Variants in ELFN1 observed in about 807,000 individuals in gnomAD.
The protein encoded by ELFN1 is protein ELFN1.
ELFN1 carries 6 observed loss-of-function variants against 7.6 expected under a neutral mutation model. That is an observed-to-expected ratio of 0.79 (90% CI 0.43 to 1.56). The LOEUF is 1.56. Ranked by LOEUF, ELFN1 falls within the 40% of genes most tolerant of loss-of-function variation. ELFN1 has a pLI of 0.01. For missense variants in ELFN1, 1,169 were observed against 1,232.2 expected, an observed-to-expected ratio of 0.95 and a Z score of 0.77; for synonymous variants, 657 against 588.1, an observed-to-expected ratio of 1.12 and a Z score of -1.70.
rs184265874 is a variant in ELFN1, at chr7:1,722,767, A to C, written c.-294+13515A>C. On this transcript the variant is annotated intron_variant, in intron 3 of 3. Coordinates refer to ENST00000424383, the MANE Select transcript of ELFN1 (RefSeq NM_001128636.4). ...TAAGAAATCCCTTATAAATATTTTA[A>C]AGTTATAAAATATTTAATACAATCA... 1.4e-3 allele frequency among the ~76,000 whole-genome samples: 213 copies of C among 152,340 alleles called. 1 individual carries two copies. Among genetic ancestry groups the C allele is most frequent in the Non-Finnish European group, 2.5e-3 (172 of 68,034 alleles).
At chr7:1,726,297 G>A (rs1217369699) in intron 3 of ELFN1, among the ~76,000 whole-genome samples, 4 of 152,202 alleles carry the variant, frequency 2.6e-5, no homozygotes, top group African/African-American at 7.2e-5. Flanking sequence ...GCCGAGAGCC[G>A]CAGCCCTGCC....
intron 2 of ELFN1, among the ~76,000 whole-genome samples, chr7:1,691,539 G>T (rs1779164607): frequency 6.6e-6 from 1 of 152,202 alleles, no homozygotes; most frequent in South Asian, 2.1e-4. Context: ...TGGGCAGGGG[G>T]TTAGAATCGA....
rs113308645 is a variant in ELFN1 at position 1,671,170 on chromosome 7, G to GCCC, written c.-549+825_-549+827dup. Among the ~76,000 whole-genome samples, 354 of 138,120 alleles carry GCCC rather than the reference G, an allele frequency of 2.6e-3. 21 individuals carry two copies. In the East Asian group the frequency reaches 0.07, roughly 27 times the overall value. 90.6% of individuals were successfully genotyped at this position (138,120 alleles called of 152,430 possible). ...GGCACTGCCTGCCGTACCGCACACC[G>GCCC]CCCCCCCCCCCATAAAAACGACACC... On this transcript the variant is annotated intron_variant, in intron 1 of 3. Coordinates refer to ENST00000424383, the MANE Select transcript of ELFN1 (RefSeq NM_001128636.4).
At chr7:1,720,558 C>G (rs1280658167) in intron 3 of ELFN1, among the ~76,000 whole-genome samples, 1 of 152,212 alleles carries the variant, frequency 6.6e-6, no homozygotes, top group Non-Finnish European at 1.5e-5. Flanking sequence ...CCCATCTAAC[C>G]AGGCAGGTGG....
Position 1,740,283 on chromosome 7 carries a change from C to T in ELFN1, c.-293-4021C>T, listed in dbSNP as rs1277079077. Among the ~76,000 whole-genome samples, 1 of 152,156 alleles carries T rather than the reference C, an allele frequency of 6.6e-6. No individual in the cohort carries two copies. The highest frequency in any genetic ancestry group is 2.4e-5 in the African/African-American group (1 of 41,424). ...CTCCTGAGGGATGCCTATTGCCCTCCCTGGGGCCTTGTGGTCCACGCCCAT... is the reference window on the plus strand; with the variant it reads ...CTCCTGAGGGATGCCTATTGCCCTCTCTGGGGCCTTGTGGTCCACGCCCAT... On this transcript the variant is annotated intron_variant, in intron 3 of 3. Transcript: ENST00000424383. The surrounding 1 kb of genome is among the most constrained non-coding windows in gnomAD (Gnocchi z 5.0).
chr7:1,714,023 C>T (rs757303490), intron 3 of ELFN1, among the ~76,000 whole-genome samples: 7 of 152,312 alleles, frequency 4.6e-5, no homozygotes, highest in African/African-American at 1.2e-4. Context: ...CAAAAGGTCA[C>T]GCCGGCTCCC....
chr7:1,687,743 C>T (rs1779084879), intron 1 of ELFN1, among the ~76,000 whole-genome samples: 1 of 152,082 alleles, frequency 6.6e-6, no homozygotes, highest in African/African-American at 2.4e-5. Flanking sequence ...AAATCTAAAA[C>T]AATCTTTTAA....
rs1780407003 is a variant in ELFN1, at chr7:1,735,038, C to T, written c.-293-9266C>T. Among the ~76,000 whole-genome samples the T allele has an allele frequency of 6.6e-6, 1 of 152,146 alleles. No individual in the cohort carries two copies. The highest frequency in any genetic ancestry group is 2.4e-5 in the African/African-American group (1 of 41,432). On this transcript the variant is annotated intron_variant, in intron 3 of 3. Transcript: ENST00000424383. The surrounding 1 kb of genome is among the most constrained non-coding windows in gnomAD (Gnocchi z 5.9). ...AGTAGCAGTGGAGTGCTGTTGCCGC[C>T]TTCCTGGGCCTTGCCGTGGGGGAGT...
intron 3 of ELFN1, 50 bp from the exon 4 acceptor site, chr7:1,744,251 ACCG>A (rs1780711015): frequency 1.7e-5 from 2 of 119,074 alleles, no homozygotes; most frequent in African/African-American, 5.0e-5. Flanking sequence ...CCGTCCCCTG[ACCG>A]CTGTCTTCTC....
rs1320812211 is a variant in ELFN1 at position 1,747,191 on chromosome 7, G to T, written c.*108G>T. 2 of 1,275,332 alleles carry T rather than the reference G, an allele frequency of 1.6e-6. No individual in the cohort carries two copies. The highest frequency in any genetic ancestry group is 2.1e-6 in the Non-Finnish European group (2 of 961,704). The allele number at this position is 1,275,332 out of a possible 1,614,324, so 79.0% of individuals were successfully genotyped here. ...ACGCCACCACAGCAACTGTGACAGC[G>T]GGGGGCCCTGCAGAGGCGAGGGGGG... On this transcript the variant is annotated 3_prime_UTR_variant, in exon 4 of 4. Transcript: ENST00000424383.
intron 3 of ELFN1, among the ~76,000 whole-genome samples, chr7:1,721,739 C>T (rs1022329975): frequency 4.6e-5 from 7 of 152,182 alleles, no homozygotes; most frequent in South Asian, 2.1e-4. Context: ...CCAAAACCAT[C>T]GCTCACGATC....
At chr7:1,677,941 G>T (rs1010082812) in intron 1 of ELFN1, among the ~76,000 whole-genome samples, 16 of 152,072 alleles carry the variant, frequency 1.1e-4, no homozygotes, top group Middle Eastern at 3.2e-3. Context: ...TGAGGTGTTT[G>T]CTGTCTGACA....
Position 1,745,759 on chromosome 7 carries a change from T to A in ELFN1, c.1163T>A (p.Leu388Gln). ...TYCVVSTSAGLRHNHTCLTIC... is the reference protein window; with the variant it reads ...TYCVVSTSAGQRHNHTCLTIC... ...TGCGTGGTGTCCACCAGCGCCGGGC[T>A]GCGCCACAACCACACCTGCCTCACC... is the stretch of plus-strand genomic sequence containing the variant. Residue 388 changes from leucine (L) to glutamine (Q), a missense_variant, in exon 4 of 4, where the codon CTG (leucine) becomes CAG (glutamine). Physicochemically the swap from Leu to Gln is moderately radical, Grantham distance 113. Coordinates refer to ENST00000424383, the MANE Select transcript of ELFN1 (RefSeq NM_001128636.4). 1 of 1,552,222 alleles carries A rather than the reference T, an allele frequency of 6.4e-7. No individual in the cohort carries two copies. The highest frequency in any genetic ancestry group is 8.7e-7 in the Non-Finnish European group (1 of 1,147,958).
At chr7:1,718,802 C>G (rs1422730801) in intron 3 of ELFN1, among the ~76,000 whole-genome samples, 1 of 152,124 alleles carries the variant, frequency 6.6e-6, no homozygotes, top group Admixed American at 6.5e-5. Context: ...TTCAGATTCC[C>G]TCTCGCCCAT....
At chr7:1,696,656 C>T (rs529317091) in intron 2 of ELFN1, among the ~76,000 whole-genome samples, 2 of 152,288 alleles carry the variant, frequency 1.3e-5, no homozygotes, top group East Asian at 3.9e-4. Flanking sequence ...CCTGCCTCAG[C>T]CTCCCAAAGT....
rs140631232 is a variant in ELFN1, at chr7:1,710,386, T to C, written c.-294+1134T>C. Among the ~76,000 whole-genome samples, 878 of 152,300 alleles carry C rather than the reference T, an allele frequency of 5.8e-3. 10 individuals are homozygous for C. The highest frequency in any genetic ancestry group is 7.8e-3 in the Non-Finnish European group (532 of 68,028). On this transcript the variant is annotated intron_variant, in intron 3 of 3. Coordinates refer to ENST00000424383, the MANE Select transcript of ELFN1 (RefSeq NM_001128636.4). ...GAGGGAGGTATCTCAGGAAGACAAG[T>C]TGAACTGAACTCTGGGGAGGGATCC... is the stretch of plus-strand genomic sequence containing the variant.
At chr7:1,700,258 C>T (rs1303051829) in intron 2 of ELFN1, among the ~76,000 whole-genome samples, 1 of 152,134 alleles carries the variant, frequency 6.6e-6, no homozygotes, top group African/African-American at 2.4e-5. Context: ...GAATAACCAC[C>T]GTGTGAACTT....
intron 1 of ELFN1, among the ~76,000 whole-genome samples, chr7:1,682,432 T>C (rs1778989659): frequency 6.6e-6 from 1 of 152,050 alleles, no homozygotes; most frequent in Non-Finnish European, 1.5e-5. Flanking sequence ...TGCCTATTTT[T>C]ATTTTATTTT....
intron 3 of ELFN1, among the ~76,000 whole-genome samples, chr7:1,718,926 A>G (rs935900523): frequency 6.6e-6 from 1 of 151,620 alleles, no homozygotes; most frequent in Non-Finnish European, 1.5e-5. Context: ...GCGGAGCCAC[A>G]CTCCAGGGGT....
Sources: gnomAD v4.1 joint callset for allele counts (sites outside exome capture counted in the v4.1 genomes callset) on GRCh38, gnomAD v4.1.1 for gene constraint, Gnocchi (gnomAD v3.1) non-coding constraint, MANE v1.5 for transcripts, NCBI Gene and HGNC (gene_info 2026-07-23, HGNC 2026-07-21) for gene names.